The following NIBAN2 variants were observed in gnomAD, a reference collection of about 807,000 sequenced individuals.
NIBAN2 encodes the protein niban apoptosis regulator 2.
Under a neutral mutation model 81.8 loss-of-function variants are expected in NIBAN2, and 36 were observed. The observed-to-expected ratio is 0.44, with a 90% CI of 0.34 to 0.58. NIBAN2 has a LOEUF of 0.58. NIBAN2 is among the 20% of genes least tolerant of loss of function. The pLI is 0.02. For synonymous variants in NIBAN2, 445 were observed against 441.6 expected (o/e 1.01, Z -0.10); for missense variants, 897 against 1,014.1 (o/e 0.88, Z 1.57).
intron 1 of NIBAN2, among the ~76,000 whole-genome samples, chr9:127,574,339 G>A (rs1588197101): frequency 6.6e-6 from 1 of 152,102 alleles, no homozygotes; most frequent in East Asian, 1.9e-4. Flanking sequence ...TCTGCCCACT[G>A]CCTCCCTGCA....
intron 8 of NIBAN2, among the ~76,000 whole-genome samples, chr9:127,511,556 A>G (rs565792854): frequency 3.3e-5 from 5 of 152,294 alleles, no homozygotes; most frequent in African/African-American, 9.6e-5. Context: ...ATGATTTCAG[A>G]GAAATAGTGG....
rs540669383 is a variant in NIBAN2, at chr9:127,514,374, C to T, written c.973+2483G>A. On this transcript the variant is annotated intron_variant, in intron 8 of 13. Transcript: ENST00000373312. Reference sequence around the variant, plus strand: ...CCCATTTCCCATGATGTGACTATTACACATTGCATGCCTGATCAAAACATC... The same window carrying T: ...CCCATTTCCCATGATGTGACTATTATACATTGCATGCCTGATCAAAACATC... Among the ~76,000 whole-genome samples the T allele has an allele frequency of 3.9e-5, 6 of 151,912 alleles. No homozygotes were observed. In the South Asian group the frequency reaches 1.2e-3, roughly 32 times the overall value.
At chr9:127,524,514 A>AG (rs948410372) in intron 4 of NIBAN2, among the ~76,000 whole-genome samples, 54 of 152,142 alleles carry the variant, frequency 3.5e-4, no homozygotes, top group Middle Eastern at 3.4e-3. Context: ...GATTCAGGGG[A>AG]GGGGGGGTGA....
At chr9:127,560,930 A>G (rs1837761864) in intron 1 of NIBAN2, among the ~76,000 whole-genome samples, 1 of 152,192 alleles carries the variant, frequency 6.6e-6, no homozygotes, top group Non-Finnish European at 1.5e-5. Context: ...ACTGGCCTTG[A>G]GGTCACAGAC....
At chr9:127,565,121 C>T (rs2249444) in intron 1 of NIBAN2, among the ~76,000 whole-genome samples, 40,764 of 151,886 alleles carry the variant, frequency 0.27, 5,642 homozygotes, top group East Asian at 0.29. Context: ...CGACAATGCC[C>T]GGCTAATTTT....
In NIBAN2 at chr9:127,569,069, G is replaced by A; in HGVS notation, c.-195C>T. ...TCGGGCCCCGTCCCTCCAGCCGGCC[G>A]CCTTGGCCCCCTCCCTGCCCTCGGC... On this transcript the variant is annotated 5_prime_UTR_variant, in exon 1 of 14. Coordinates refer to ENST00000373312, the MANE Select transcript of NIBAN2 (RefSeq NM_022833.4). 1 of 1,055,512 alleles carries A rather than the reference G, an allele frequency of 9.5e-7. No homozygotes were observed. Among genetic ancestry groups the A allele is most frequent in the East Asian group, 7.0e-5 (1 of 14,378 alleles). The allele number at this position is 1,055,512 out of a possible 1,614,324, so 65.4% of individuals were successfully genotyped here. A position where few individuals can be genotyped will look rare whatever the true frequency, so the allele number is the denominator to read the frequency against.
exon 1 of NIBAN2, chr9:127,578,970 C>A (rs116394908): frequency 6.2e-7 from 1 of 1,603,576 alleles, no homozygotes; most frequent in Non-Finnish European, 8.5e-7. Flanking sequence ...AGGAAGGGAC[C>A]GGAACTGGCC....
At chr9:127,529,094 T>C (rs1332079198) in intron 2 of NIBAN2, among the ~76,000 whole-genome samples, 4 of 151,460 alleles carry the variant, frequency 2.6e-5, no homozygotes, top group Non-Finnish European at 5.9e-5. Flanking sequence ...CTGCAGGAAA[T>C]GAAACAGAAC....
At chr9:127,556,198 G>C (rs528322546) in intron 1 of NIBAN2, among the ~76,000 whole-genome samples, 1 of 152,314 alleles carries the variant, frequency 6.6e-6, no homozygotes, top group East Asian at 1.9e-4. Flanking sequence ...GTCACGCTTC[G>C]AGGAATACAG....
intron 8 of NIBAN2, among the ~76,000 whole-genome samples, chr9:127,513,612 T>A (rs1412758447): frequency 6.6e-6 from 1 of 152,128 alleles, no homozygotes; most frequent in South Asian, 2.1e-4. Flanking sequence ...GCCAGCACCA[T>A]GACAGGTTAC....
intron 3 of NIBAN2, among the ~76,000 whole-genome samples, chr9:127,526,433 C>G (rs1263371251): frequency 6.7e-6 from 1 of 150,294 alleles, no homozygotes; most frequent in Non-Finnish European, 1.5e-5. Flanking sequence ...AAAAGAGATG[C>G]AAATCTTGGC....
intron 5 of NIBAN2, among the ~76,000 whole-genome samples, chr9:127,519,135 A>ACTGCACT (rs1198083787): frequency 7.1e-6 from 1 of 140,968 alleles, no homozygotes; most frequent in Non-Finnish European, 1.5e-5. Flanking sequence ...AGATTGCGCC[A>ACTGCACT]CTGCACTCTA....
chr9:127,552,894 G>A (rs1472493415), intron 1 of NIBAN2, among the ~76,000 whole-genome samples: 1 of 151,980 alleles, frequency 6.6e-6, no homozygotes, highest in Non-Finnish European at 1.5e-5. Context: ...GTTTCACTAT[G>A]TTGGCCAGGC....
chr9:127,519,376 G>A (rs555674596), intron 5 of NIBAN2, among the ~76,000 whole-genome samples: 1 of 152,222 alleles, frequency 6.6e-6, no homozygotes, highest in Admixed American at 6.5e-5. Flanking sequence ...CTGACTTGGG[G>A]TAAGAAGGTG....
chr9:127,572,061 G>T (rs189865247), upstream of NIBAN2, among the ~76,000 whole-genome samples: 31 of 152,210 alleles, frequency 2.0e-4, no homozygotes, highest in Non-Finnish European at 1.5e-5. Context: ...TTGAGACAAG[G>T]TCTCTCTGTG....
Position 127,509,027 on chromosome 9 carries a change from ATC to A in NIBAN2, c.1264_1265del (p.Asp422CysfsTer207). 1 of 1,613,924 alleles carries A rather than the reference ATC, an allele frequency of 6.2e-7. No individual in the cohort carries two copies. The highest frequency in any genetic ancestry group is 1.1e-5 in the South Asian group (1 of 91,078). Reference protein sequence around the residue: ...LRLDGLQQRFDVSSTSVFKQR... With the variant: ...LRLDGLQQRFXVSSTSVFKQR... Reference sequence around the variant, plus strand: ...GCTTGAACACGGACGTGCTGGACACATCAAATCGCTGCTGCAGCCCGTCCAGT... The same window carrying A: ...GCTTGAACACGGACGTGCTGGACACAAAATCGCTGCTGCAGCCCGTCCAGT... On this transcript the variant is annotated frameshift_variant, in exon 10 of 14. Transcript: ENST00000373312. LOFTEE classifies it high-confidence loss of function.
At chr9:127,532,579 C>T (rs529611857) in intron 1 of NIBAN2, among the ~76,000 whole-genome samples, 44 of 152,126 alleles carry the variant, frequency 2.9e-4, no homozygotes, top group African/African-American at 5.3e-4. Context: ...TGCACTCCAG[C>T]CTGGGCGACA....
At chr9:127,552,691 T>G (rs942725871) in intron 1 of NIBAN2, among the ~76,000 whole-genome samples, 20 of 140,212 alleles carry the variant, frequency 1.4e-4, no homozygotes, top group Non-Finnish European at 2.6e-4. Flanking sequence ...TTCGTTTTTT[T>G]TTTTTTTTTT....
At position 127,568,841 on chromosome 9, in the gene NIBAN2, C is replaced by A. The variant is rs1406756070; in HGVS notation, c.34G>T (p.Ala12Ser). Residue 12 changes from alanine to serine, a missense_variant, in exon 1 of 14, where the codon GCC (alanine) becomes TCC (serine). By Grantham distance (99) the Ala-to-Ser change is moderately conservative. This residue lies in a region of NIBAN2 where 209 missense variants were observed against 208.4 expected (regional missense o/e 1.00). Transcript: ENST00000373312. ...TCACCTGCGATGTGCTGGCGCCGGG[C>A]GTCGTCCAGGTGCGTGGACAGCACG... ...GDVLSTHLDDARRQHIAEKTG... is the reference protein window; with the variant it reads ...GDVLSTHLDDSRRQHIAEKTG... 3 of 1,369,986 alleles carry A rather than the reference C, an allele frequency of 2.2e-6. No individual in the cohort carries two copies. The African/African-American group carries it at 4.6e-5, about 21-fold the overall frequency. 84.9% of individuals were successfully genotyped at this position (1,369,986 alleles called of 1,614,324 possible). A position where few individuals can be genotyped will look rare whatever the true frequency, so the allele number is the denominator to read the frequency against.
Sources: gnomAD v4.1 joint callset for allele counts (sites outside exome capture counted in the v4.1 genomes callset) on GRCh38, gnomAD v4.1.1 for gene constraint, gnomAD v4.1.1 regional missense constraint, MANE v1.5 for transcripts, NCBI Gene and HGNC (gene_info 2026-07-23, HGNC 2026-07-21) for gene names.